The following WDR37 variants were observed in gnomAD, a reference collection of about 807,000 sequenced individuals.
WDR37 encodes the protein WD repeat domain 37.
In WDR37, 19 loss-of-function variants were observed where a neutral mutation model predicts 62.9. The ratio of observed to expected loss-of-function variants is 0.30; its 90% CI spans 0.21 to 0.44. WDR37 has a LOEUF of 0.44. Ranked by LOEUF, WDR37 falls within the 20% of genes least tolerant of loss-of-function variation. The pLI, the probability that WDR37 is intolerant of heterozygous loss-of-function variation, is 1.00. For synonymous variants in WDR37, 250 were observed against 260.9 expected, an observed-to-expected ratio of 0.96 and a Z score of 0.40; for missense variants, 474 against 657.6, an observed-to-expected ratio of 0.72 and a Z score of 3.05.
chr10:1,115,297 C>G (rs1325264038), intron 11 of WDR37, among the ~76,000 whole-genome samples: 1 of 152,200 alleles, frequency 6.6e-6, no homozygotes, highest in Non-Finnish European at 1.5e-5. Context: ...AAAATGTGGT[C>G]TTTGGTGCTT....
chr10:1,063,261 G>A (rs1833429175), intron 1 of WDR37, among the ~76,000 whole-genome samples: 1 of 152,116 alleles, frequency 6.6e-6, no homozygotes, highest in Non-Finnish European at 1.5e-5. Context: ...GACAAAACAA[G>A]GCCCAAGAAA....
chr10:1,125,811 T>C (rs901076675), intron 13 of WDR37, among the ~76,000 whole-genome samples: 2 of 152,184 alleles, frequency 1.3e-5, no homozygotes, highest in African/African-American at 2.4e-5. Flanking sequence ...AAGAAATATA[T>C]TTAAATGTTA....
intron 7 of WDR37, among the ~76,000 whole-genome samples, chr10:1,088,219 T>G (rs918687820): frequency 6.6e-6 from 1 of 152,212 alleles, no homozygotes; most frequent in African/African-American, 2.4e-5. Flanking sequence ...TCGGCGTTCT[T>G]GTCATTTGTG....
chr10:1,067,167 A>G (rs1048988794), intron 1 of WDR37, among the ~76,000 whole-genome samples: 2 of 152,216 alleles, frequency 1.3e-5, no homozygotes, highest in East Asian at 3.8e-4. Flanking sequence ...TTTTTTGACA[A>G]AAGTCCAAAG....
intron 11 of WDR37, among the ~76,000 whole-genome samples, chr10:1,119,206 A>G (rs1012331975): frequency 6.6e-6 from 1 of 152,242 alleles, no homozygotes; most frequent in Admixed American, 6.5e-5. Context: ...TTGACGTTCT[A>G]GGATGATAAG....
At chr10:1,089,691 TTCGGCCTTCCCGTGCTCACCC>T (rs1834321992) in intron 7 of WDR37, among the ~76,000 whole-genome samples, 3 of 150,626 alleles carry the variant, frequency 2.0e-5, no homozygotes, top group Non-Finnish European at 4.4e-5. Flanking sequence ...TCACCCGCAG[TTCGGCCTTCCCGTGCTCACCC>T]GCAATTCAAC....
intron 3 of WDR37, among the ~76,000 whole-genome samples, 157 bp downstream of exon 3, chr10:1,078,160 T>G (rs1013091068): frequency 1.3e-5 from 2 of 152,198 alleles, no homozygotes; most frequent in South Asian, 4.1e-4. Context: ...CATCTTGCAG[T>G]TCTGTGGGTC....
At position 1,121,076 on chromosome 10, in the gene WDR37, C is replaced by G. The variant is rs961288863; in HGVS notation, c.1104-3142C>G. On this transcript the variant is annotated intron_variant, in intron 11 of 13. Transcript: ENST00000263150. The surrounding 1 kb of genome is among the most constrained non-coding windows in gnomAD (Gnocchi z 4.5). ...CAGCGTCGGAACCATTTCCAGTGCA[C>G]GGCCGTGCGCGCCAGCCTCCCCATG... 6.6e-6 allele frequency among the ~76,000 whole-genome samples: 1 copy of G among 152,192 alleles called. No homozygotes were observed. The highest frequency in any genetic ancestry group is 2.4e-5 in the African/African-American group (1 of 41,448).
At chr10:1,096,091 G>C in intron 8 of WDR37, 79 bp from the exon 9 acceptor site, 1 of 1,404,944 alleles carries the variant, frequency 7.1e-7, no homozygotes, top group Non-Finnish European at 1.0e-6. Flanking sequence ...GACTGCTGCT[G>C]CTTAGCCATA....
At chr10:1,125,921 A>C (rs1835729766) in intron 13 of WDR37, among the ~76,000 whole-genome samples, 1 of 152,200 alleles carries the variant, frequency 6.6e-6, no homozygotes, top group African/African-American at 2.4e-5. Context: ...GGTTGCCTGG[A>C]AGGCGCAAAG....
intron 1 of WDR37, among the ~76,000 whole-genome samples, chr10:1,067,076 G>A (rs570109475): frequency 2.6e-5 from 4 of 152,294 alleles, no homozygotes; most frequent in South Asian, 2.1e-4. Context: ...TATCACTGCC[G>A]TTGGTGGAAG....
intron 1 of WDR37, among the ~76,000 whole-genome samples, chr10:1,059,533 T>A (rs7071670): frequency 0.095 from 14,382 of 152,094 alleles, 767 homozygotes; most frequent in African/African-American, 0.14. Context: ...GCGCAGTGGC[T>A]CATGCCTGTA....
chr10:1,125,774 G>A (rs1256055662), intron 13 of WDR37, among the ~76,000 whole-genome samples: 1 of 152,216 alleles, frequency 6.6e-6, no homozygotes, highest in East Asian at 1.9e-4. Context: ...AGAAGAACAC[G>A]TTTCTATGGC....
intron 3 of WDR37, among the ~76,000 whole-genome samples, chr10:1,079,285 A>G (rs1368150974): frequency 1.3e-5 from 2 of 151,150 alleles, no homozygotes; most frequent in Non-Finnish European, 1.5e-5. Flanking sequence ...GGGTTTTGCC[A>G]TGTTGGCCAG....
At chr10:1,116,291 G>C (rs1835395554) in intron 11 of WDR37, among the ~76,000 whole-genome samples, 1 of 151,226 alleles carries the variant, frequency 6.6e-6, no homozygotes, top group African/African-American at 2.4e-5. Flanking sequence ...CCGGGTCTCT[G>C]CCATGTCTCT....
At chr10:1,107,803 A>T (rs1835071928) in intron 11 of WDR37, among the ~76,000 whole-genome samples, 1 of 150,286 alleles carries the variant, frequency 6.7e-6, no homozygotes, top group African/African-American at 2.5e-5. Flanking sequence ...GTATTGCAGC[A>T]CTGCTGTCTC....
intron 11 of WDR37, among the ~76,000 whole-genome samples, chr10:1,114,667 C>T (rs1259044508): frequency 2.0e-5 from 3 of 152,208 alleles, no homozygotes; most frequent in Non-Finnish European, 2.9e-5. Context: ...GAACGGAACC[C>T]GCAGAAGCTC....
intron 7 of WDR37, among the ~76,000 whole-genome samples, chr10:1,086,647 T>C (rs1012954127): frequency 3.3e-5 from 5 of 152,208 alleles, no homozygotes; most frequent in African/African-American, 1.2e-4. Flanking sequence ...CTGAAATGTG[T>C]GCGTTATTTT....
In WDR37 at chr10:1,073,918, G is replaced by T. The variant is rs150137347; in HGVS notation, c.138+1625G>T. Reference sequence around the variant, plus strand: ...CTTCCAAACACAGTCGCATGCTGAGGTCCTGGGCCTGTGGACCCCGTTCAA... The same window carrying T: ...CTTCCAAACACAGTCGCATGCTGAGTTCCTGGGCCTGTGGACCCCGTTCAA... On this transcript the variant is annotated intron_variant, in intron 2 of 13. Transcript: ENST00000263150. Among the ~76,000 whole-genome samples, 3 of 152,218 alleles carry T rather than the reference G, an allele frequency of 2.0e-5. No homozygotes were observed. In the East Asian group the frequency reaches 5.8e-4, roughly 29 times the overall value.
Sources: allele counts gnomAD v4.1 joint callset (sites outside exome capture counted in the v4.1 genomes callset), GRCh38; gene constraint gnomAD v4.1.1; non-coding constraint Gnocchi (gnomAD v3.1); transcripts MANE v1.5; gene names NCBI Gene and HGNC (gene_info 2026-07-23, HGNC 2026-07-21).